The following STIL variants were observed in gnomAD, a reference collection of about 807,000 sequenced individuals.
STIL encodes SCL-interrupting locus protein.
A neutral mutation model predicts 110.1 loss-of-function variants in STIL; 55 were observed. The observed-to-expected ratio is 0.50, with a 90% CI of 0.40 to 0.63. STIL has a LOEUF of 0.63. STIL is among the 20% of genes least tolerant of loss of function. The pLI is 0.00. For synonymous variants in STIL, 481 were observed against 530.0 expected (o/e 0.91, Z 1.27); for missense variants, 1,358 against 1,530.0 (o/e 0.89, Z 1.87).
At chr1:47,301,413 C>T (rs753299712) in intron 5 of STIL, 148 bp downstream of exon 5, 7 of 908,424 alleles carry the variant, frequency 7.7e-6, no homozygotes, top group East Asian at 5.3e-5. Flanking sequence ...TTTGCCCTCA[C>T]AAACACATTT....
At chr1:47,257,205 A>T (rs542229140) in intron 16 of STIL, among the ~76,000 whole-genome samples, 1 of 152,354 alleles carries the variant, frequency 6.6e-6, no homozygotes, top group Admixed American at 6.5e-5. Context: ...TTTAAGTCAA[A>T]CTGAAACAAT....
At chr1:47,284,159 A>T (rs1645228019) in intron 10 of STIL, 1 of 152,220 alleles carries the variant, frequency 6.6e-6, no homozygotes, top group African/African-American at 2.4e-5. Context: ...CTGCCTCCCG[A>T]AGCACTGGGA....
At chr1:47,291,412 TTAAA>T (rs142654448) in intron 8 of STIL, among the ~76,000 whole-genome samples, 2,314 of 151,628 alleles carry the variant, frequency 0.015, 56 homozygotes, top group African/African-American at 0.052. Context: ...AAATTAAAAA[TTAAA>T]TAAATAAATA....
At chr1:47,298,736 G>GTT (rs201792683) in intron 6 of STIL, among the ~76,000 whole-genome samples, 1 of 150,158 alleles carries the variant, frequency 6.7e-6, no homozygotes, top group East Asian at 2.0e-4. Context: ...CAACCAATTT[G>GTT]TTTTTTTTTG....
intron 6 of STIL, among the ~76,000 whole-genome samples, chr1:47,297,369 G>C (rs1158676726): frequency 6.6e-6 from 1 of 151,798 alleles, no homozygotes; most frequent in Non-Finnish European, 1.5e-5. Flanking sequence ...ATTAGTTCAG[G>C]CTTTCCATGA....
intron 5 of STIL, among the ~76,000 whole-genome samples, chr1:47,301,056 C>A (rs1318822425): frequency 2.0e-5 from 3 of 152,096 alleles, no homozygotes; most frequent in Non-Finnish European, 4.4e-5. Context: ...TCTACATGGC[C>A]CATATGACAA....
At chr1:47,253,192 C>T (rs1644236023) in intron 16 of STIL, among the ~76,000 whole-genome samples, 1 of 152,338 alleles carries the variant, frequency 6.6e-6, no homozygotes, top group South Asian at 2.1e-4. Flanking sequence ...ACATTCCTTA[C>T]AGTAACCTTT....
In STIL at chr1:47,262,990, T is replaced by G; in HGVS notation, c.2742A>C (p.Glu914Asp). 1 of 1,614,166 alleles carries G rather than the reference T, an allele frequency of 6.2e-7. No homozygotes were observed. The highest frequency in any genetic ancestry group is 8.5e-7 in the Non-Finnish European group (1 of 1,180,012). The part of the protein sequence containing the change: ...GPTGGASNNS[E>D]TSEEPKIEHV... ...GCTCAATTTTTGGTTCCTCTGATGT[T>G]TCAGAATTGTTACTGGCACCCCCTG... The change falls in exon 15 of 17, where the codon GAA becomes GAC. Residue 914 changes from glutamate (E) to aspartate (D), a missense_variant. Glu to Asp is a conservative substitution (Grantham distance 45). Transcript: ENST00000371877.
chr1:47,293,515 C>A lies in STIL; in HGVS notation c.815G>T (p.Ser272Ile). ...IWLSGITHIY[S>I]PQVWACCLRY... ...CAAACAGCAAGCCCATACCTGAGGA[C>A]TATAGATATGTGTAATTCCAGACAG... The change falls in exon 8 of 17, where the codon AGT becomes ATT. Residue 272 changes from serine (S) to isoleucine (I), a missense_variant. Physicochemically the swap from Ser to Ile is moderately radical, Grantham distance 142. Transcript: ENST00000371877. 1 of 1,613,124 alleles carries A rather than the reference C, an allele frequency of 6.2e-7. No individual in the cohort carries two copies. The highest frequency in any genetic ancestry group is 8.5e-7 in the Non-Finnish European group (1 of 1,179,474).
chr1:47,280,117 C>A, intron 12 of STIL, 124 bp downstream of exon 12: 1 of 1,335,714 alleles, frequency 7.5e-7, no homozygotes, highest in South Asian at 1.3e-5. Flanking sequence ...AATTCAGTTT[C>A]CAAGGTCCCT....
intron 12 of STIL, among the ~76,000 whole-genome samples, chr1:47,275,070 TGCACCTGGAAG>T (rs1028962487): frequency 6.6e-6 from 1 of 151,922 alleles, no homozygotes; most frequent in African/African-American, 2.4e-5. Flanking sequence ...GAGAATCACT[TGCACCTGGAAG>T]GCAGAGGTTG....
intron 14 of STIL, among the ~76,000 whole-genome samples, 180 bp downstream of exon 14, chr1:47,269,455 T>C (rs780745801): frequency 6.6e-6 from 1 of 152,196 alleles, no homozygotes. Flanking sequence ...ACTTCAAATG[T>C]TTTTACCACA....
chr1:47,289,675 C>A, intron 8 of STIL, 90 bp from the exon 9 acceptor site: 1 of 1,294,364 alleles, frequency 7.7e-7, no homozygotes, highest in Admixed American at 1.8e-5. Context: ...ATCTAGTTAA[C>A]AAAATGACTA....
Position 47,301,652 on chromosome 1 carries a change from TC to T in STIL, c.361del (p.Asp121ThrfsTer3). On this transcript the variant is annotated frameshift_variant, in exon 5 of 17. Coordinates refer to ENST00000371877, the MANE Select transcript of STIL (RefSeq NM_001048166.1). LOFTEE classifies it high-confidence loss of function. ...EITPTASLPGDFLIPCKVHTQ... is the reference protein window; with the variant it reads ...EITPTASLPGXFLIPCKVHTQ... ...ATGAACTTTGCATGGAATCAAAAAG[TC>T]CCCAGGAAGAGAAGCAGTAGGGGTT... 6.2e-7 allele frequency: 1 copy of T among 1,613,976 alleles called. No individual in the cohort carries two copies. The highest frequency in any genetic ancestry group is 8.5e-7 in the Non-Finnish European group (1 of 1,179,968).
chr1:47,282,024 T>C (rs1280824707), intron 11 of STIL, among the ~76,000 whole-genome samples: 1 of 152,110 alleles, frequency 6.6e-6, no homozygotes, highest in Non-Finnish European at 1.5e-5. Flanking sequence ...TGAAATAGAA[T>C]CCCAGCTTTA....
chr1:47,275,561 TC>T (rs749383752), intron 12 of STIL, among the ~76,000 whole-genome samples: 9 of 151,730 alleles, frequency 5.9e-5, no homozygotes, highest in Non-Finnish European at 1.3e-4. Context: ...TGAGCTGAGA[TC>T]GCGCCACTGC....
intron 10 of STIL, among the ~76,000 whole-genome samples, chr1:47,284,788 GC>G (rs1167478856): frequency 1.3e-5 from 2 of 152,014 alleles, no homozygotes; most frequent in African/African-American, 4.8e-5. Context: ...TACTTGGGAG[GC>G]TGAAGCAGGA....
At chr1:47,307,227 A>G (rs1482277302) in intron 2 of STIL, among the ~76,000 whole-genome samples, 1 of 152,192 alleles carries the variant, frequency 6.6e-6, no homozygotes, top group Non-Finnish European at 1.5e-5. Flanking sequence ...AGGCTGAGGC[A>G]TGAGAATTGC....
chr1:47,304,744 G>C (rs78891937), intron 3 of STIL, 145 bp downstream of exon 3: 2 of 666,866 alleles, frequency 3.0e-6, no homozygotes, highest in Admixed American at 4.9e-5. Context: ...TTAAGAAGCA[G>C]AAGGAAAATT....
Sources: allele counts gnomAD v4.1 joint callset (sites outside exome capture counted in the v4.1 genomes callset), GRCh38; gene constraint gnomAD v4.1.1; transcripts MANE v1.5; gene names NCBI Gene and HGNC (gene_info 2026-07-23, HGNC 2026-07-21).